Variants in MICAL2 observed in about 807,000 individuals in gnomAD.
MICAL2 encodes [F-actin]-monooxygenase MICAL2.
MICAL2 carries 77 observed loss-of-function variants against 127.3 expected under a neutral mutation model. The ratio of observed to expected loss-of-function variants is 0.60; its 90% CI spans 0.50 to 0.73. The LOEUF (loss-of-function observed/expected upper bound fraction) is 0.73. MICAL2 is among the 30% of genes least tolerant of loss of function. The pLI is 0.00. For synonymous variants in MICAL2, 570 were observed against 551.1 expected, an observed-to-expected ratio of 1.03 and a Z score of -0.48; for missense variants, 1,351 against 1,434.4, an observed-to-expected ratio of 0.94 and a Z score of 0.94.
chr11:12,308,863 C>A (rs770058703), intron 29 of MICAL2, among the ~76,000 whole-genome samples: 23 of 152,160 alleles, frequency 1.5e-4, no homozygotes, highest in Non-Finnish European at 2.9e-5. Flanking sequence ...CTGCAGATTT[C>A]TTTTGTCAGT....
chr11:12,361,202 A>C (rs16911195), downstream of MICAL2, among the ~76,000 whole-genome samples: 1,692 of 152,266 alleles, frequency 0.011, 29 homozygotes, highest in African/African-American at 0.033. Flanking sequence ...AGTGTTTATG[A>C]TAGTTATAAG....
chr11:12,336,034 T>A (rs1035320932), intron 32 of MICAL2, among the ~76,000 whole-genome samples: 3 of 152,216 alleles, frequency 2.0e-5, no homozygotes, highest in African/African-American at 7.2e-5. Context: ...ATCTATAAAT[T>A]ACCTTAGGCA....
chr11:12,284,774 G>A (rs912192466), intron 2 of MICAL2, among the ~76,000 whole-genome samples: 54 of 152,168 alleles, frequency 3.5e-4, no homozygotes, highest in Admixed American at 2.8e-3. Context: ...ATCTCCTCAT[G>A]GGGAGCTGGG....
At chr11:12,265,910 G>A (rs967845875), downstream of MICAL2, among the ~76,000 whole-genome samples, 6 of 152,126 alleles carry the variant, frequency 3.9e-5, no homozygotes, top group African/African-American at 1.4e-4. Flanking sequence ...GAGGTCAGGA[G>A]TTCGTGACCA....
chr11:12,254,419 T>C (rs142259394), intron 22 of MICAL2: 2 of 152,350 alleles, frequency 1.3e-5, no homozygotes, highest in East Asian at 3.9e-4. Flanking sequence ...GTCTTCCTGG[T>C]CCCTGAGCAG....
rs964315594 is a variant in MICAL2 at position 12,227,093 on chromosome 11, T to A, written c.1957T>A (p.Tyr653Asn). Residue 653 changes from tyrosine to asparagine, a missense_variant, in exon 15 of 28, where the codon TAT (tyrosine) becomes AAT (asparagine). Tyr to Asn is a moderately radical substitution (Grantham distance 143). Coordinates refer to ENST00000683283, the MANE Select transcript of MICAL2 (RefSeq NM_001282663.2). ...SLAKSSISNN[Y>N]LNLTFPRKRT... is the part of the protein sequence containing the mutation. Reference sequence around the variant, plus strand: ...GGCCAAATCATCCATTTCTAATAACTATCTCAACCTCACATTTCCAAGGAA... The same window carrying A: ...GGCCAAATCATCCATTTCTAATAACAATCTCAACCTCACATTTCCAAGGAA... 1 of 1,613,946 alleles carries A rather than the reference T, an allele frequency of 6.2e-7. No homozygotes were observed. The highest frequency in any genetic ancestry group is 2.2e-5 in the East Asian group (1 of 44,900).
intron 2 of MICAL2, among the ~76,000 whole-genome samples, chr11:12,143,464 C>T (rs1852552087): frequency 6.6e-6 from 1 of 152,180 alleles, no homozygotes; most frequent in Admixed American, 6.5e-5. Context: ...TATGAATTCT[C>T]CAGCTGCCTG....
In MICAL2 at chr11:12,262,539, T is replaced by G; in HGVS notation, c.*17+2T>G. 6.2e-7 allele frequency: 1 copy of G among 1,611,236 alleles called. No individual in the cohort carries two copies. Among genetic ancestry groups the G allele is most frequent in the Non-Finnish European group, 8.5e-7 (1 of 1,177,564 alleles). Reference sequence around the variant, plus strand: ...TGGCTGACACACTTCTGCTCTAAGGTGACTGGTTTTCTTGCCAATTTTCAA... The same window carrying G: ...TGGCTGACACACTTCTGCTCTAAGGGGACTGGTTTTCTTGCCAATTTTCAA... On this transcript the variant is annotated splice_donor_variant, in intron 27 of 27. Coordinates refer to ENST00000683283, the MANE Select transcript of MICAL2 (RefSeq NM_001282663.2). LOFTEE classifies it low-confidence loss of function (3UTR_SPLICE).
chr11:12,298,703 A>T (rs1264469356), intron 29 of MICAL2, among the ~76,000 whole-genome samples: 1 of 152,116 alleles, frequency 6.6e-6, no homozygotes, highest in Non-Finnish European at 1.5e-5. Context: ...TTAATCACAG[A>T]TGGATGTTGA....
At position 12,277,050 on chromosome 11, in the gene MICAL2, G is replaced by T. The variant is rs952906385; in HGVS notation, c.87+884G>T. On this transcript the variant is annotated intron_variant, in intron 1 of 2. Coordinates refer to the MICAL2 transcript ENST00000529028. ...AACCAGCCACCGTTCATTACACCAC[G>T]ATTGTGTAAAAAAGTAGACCGGAGT... Among the ~76,000 whole-genome samples, 4 of 151,882 alleles carry T rather than the reference G, an allele frequency of 2.6e-5. No individual in the cohort carries two copies. In the East Asian group the frequency reaches 7.7e-4, roughly 29 times the overall value.
At chr11:12,204,173 G>C in intron 3 of MICAL2, 77 bp from the exon 4 acceptor site, 3 of 1,433,802 alleles carry the variant, frequency 2.1e-6, no homozygotes, top group Non-Finnish European at 2.9e-6. Context: ...TTGCGCTTCA[G>C]TTTTCCTGCT....
intron 29 of MICAL2, among the ~76,000 whole-genome samples, chr11:12,314,337 T>C (rs759003818): frequency 2.0e-5 from 3 of 152,248 alleles, no homozygotes; most frequent in Admixed American, 6.5e-5. Context: ...ACATAGTATG[T>C]AGTGCTTGTC....
At chr11:12,278,668 C>T (rs184205428) in intron 1 of MICAL2, among the ~76,000 whole-genome samples, 276 of 152,276 alleles carry the variant, frequency 1.8e-3, no homozygotes, top group Non-Finnish European at 3.4e-3. Flanking sequence ...GCAGGAAGAG[C>T]AGGTGGAAGC....
intron 27 of MICAL2, chr11:12,263,330 C>A (rs1484044552): frequency 2.0e-5 from 3 of 152,254 alleles, no homozygotes; most frequent in African/African-American, 7.2e-5. Context: ...CCTGGGGCAG[C>A]AGGATAATCA....
chr11:12,318,571 A>C (rs1286131954), intron 29 of MICAL2, among the ~76,000 whole-genome samples: 2 of 152,184 alleles, frequency 1.3e-5, no homozygotes, highest in Non-Finnish European at 2.9e-5. Flanking sequence ...GGCTGGAGAG[A>C]ATGTTAGTTG....
intron 3 of MICAL2, among the ~76,000 whole-genome samples, chr11:12,165,293 A>G (rs1003535115): frequency 1.2e-4 from 18 of 152,320 alleles, no homozygotes; most frequent in African/African-American, 3.4e-4. Context: ...GGCCAGCTCC[A>G]TGAGGCCGGT....
intron 32 of MICAL2, among the ~76,000 whole-genome samples, chr11:12,346,770 C>T (rs7124606): frequency 0.036 from 5,414 of 152,272 alleles, 338 homozygotes; most frequent in African/African-American, 0.12. Flanking sequence ...AGTGTTTACT[C>T]GCCCCTGTCC....
intron 15 of MICAL2, among the ~76,000 whole-genome samples, chr11:12,227,409 C>A (rs1399854344): frequency 6.6e-6 from 1 of 152,206 alleles, no homozygotes; most frequent in Non-Finnish European, 1.5e-5. Context: ...TAAATCAGAT[C>A]AGCTCTGCTT....
At chr11:12,304,962 C>T (rs1357372170) in intron 29 of MICAL2, among the ~76,000 whole-genome samples, 1 of 152,100 alleles carries the variant, frequency 6.6e-6, no homozygotes, top group Admixed American at 6.6e-5. Context: ...ACAACATTTG[C>T]TGGGAATTTG....
Sources: gnomAD v4.1 joint callset for allele counts (sites outside exome capture counted in the v4.1 genomes callset) on GRCh38, gnomAD v4.1.1 for gene constraint, MANE v1.5 for transcripts, NCBI Gene and HGNC (gene_info 2026-07-23, HGNC 2026-07-21) for gene names.